The following CACNA2D2 variants were observed in gnomAD, a reference collection of about 807,000 sequenced individuals.
The protein encoded by CACNA2D2 is voltage-dependent calcium channel subunit alpha-2/delta-2.
CACNA2D2 carries 48 observed loss-of-function variants against 166.4 expected under a neutral mutation model. The observed-to-expected ratio is 0.29, with a 90% CI of 0.23 to 0.37. The LOEUF is 0.37. CACNA2D2 is among the 10% of genes least tolerant of loss of function. The probability of loss-of-function intolerance (pLI) is 1.00; values close to 1 mark genes in which losing one functional copy is unlikely to be tolerated. For synonymous variants in CACNA2D2, 561 were observed against 573.7 expected (o/e 0.98, Z 0.32); for missense variants, 1,122 against 1,433.0 (o/e 0.78, Z 3.50).
At chr3:50,400,976 A>G (rs941746391) in intron 3 of CACNA2D2, among the ~76,000 whole-genome samples, 1 of 152,208 alleles carries the variant, frequency 6.6e-6, no homozygotes, top group African/African-American at 2.4e-5. Flanking sequence ...CGCCTGGCCC[A>G]TGGCACATCG....
Position 50,365,938 on chromosome 3 carries a change from G to C in CACNA2D2, c.2862+73C>G. 1 of 1,611,662 alleles carries C rather than the reference G, an allele frequency of 6.2e-7. No individual in the cohort carries two copies. Among genetic ancestry groups the C allele is most frequent in the African/African-American group, 1.3e-5 (1 of 75,018 alleles). On this transcript the variant is annotated intron_variant, in intron 32 of 37. Coordinates refer to ENST00000424201, the MANE Select transcript of CACNA2D2 (RefSeq NM_006030.4). This position sits in a 1 kb window ranked among gnomAD's most constrained non-coding sequence, Gnocchi z 4.5. ...TCACCCCCAGCTTTATCAAATGTCA[G>C]AGGTAGGGGGTCATCTGTGGGCAGG...
chr3:50,374,654 G>A (rs936624944), intron 22 of CACNA2D2, 83 bp downstream of exon 22: 58 of 1,482,318 alleles, frequency 3.9e-5, no homozygotes, highest in Admixed American at 6.0e-5. Context: ...GCCGGCAAGC[G>A]GCGCTGGCTA....
intron 2 of CACNA2D2, among the ~76,000 whole-genome samples, chr3:50,450,851 G>A (rs1389863566): frequency 6.6e-6 from 1 of 152,192 alleles, no homozygotes; most frequent in Non-Finnish European, 1.5e-5. Flanking sequence ...ACTGGCCGAT[G>A]TCACGGGTGT....
chr3:50,433,357 TTG>T (rs1559942829), intron 3 of CACNA2D2, among the ~76,000 whole-genome samples: 1 of 151,858 alleles, frequency 6.6e-6, no homozygotes, highest in African/African-American at 2.4e-5. Context: ...GTTTTTTTTG[TTG>T]TTTGTTTTTT....
intron 2 of CACNA2D2, among the ~76,000 whole-genome samples, chr3:50,437,362 C>T (rs1055685570): frequency 1.3e-5 from 2 of 152,164 alleles, no homozygotes; most frequent in Non-Finnish European, 2.9e-5. Context: ...CTATCTAAAT[C>T]CTCTCTAGGG....
In CACNA2D2 at chr3:50,501,973, A is replaced by G. The variant is rs1205337042; in HGVS notation, c.206+1245T>C. On this transcript the variant is annotated intron_variant, in intron 1 of 37. Coordinates refer to ENST00000424201, the MANE Select transcript of CACNA2D2 (RefSeq NM_006030.4). ...GCCAACTGATCACCTGCCTGAGCAC[A>G]GCCAGGCTGTGCAATGAGAGAGACG... Among the ~76,000 whole-genome samples, 5 of 152,146 alleles carry G rather than the reference A, an allele frequency of 3.3e-5. No individual in the cohort carries two copies. The East Asian group carries it at 7.7e-4, about 24-fold the overall frequency.
chr3:50,388,843 T>C (rs587738497), intron 4 of CACNA2D2, among the ~76,000 whole-genome samples: 2 of 152,324 alleles, frequency 1.3e-5, no homozygotes, highest in Middle Eastern at 3.4e-3. Flanking sequence ...TGCAGGCCAC[T>C]GGCCAAATGT....
intron 23 of CACNA2D2, among the ~76,000 whole-genome samples, chr3:50,368,941 G>T (rs1002787693): frequency 6.6e-6 from 1 of 152,174 alleles, no homozygotes; most frequent in African/African-American, 2.4e-5. Flanking sequence ...GCTCTCTCTC[G>T]CTCGACCCCT....
At chr3:50,377,165 T>C (rs1052567587) in intron 17 of CACNA2D2, among the ~76,000 whole-genome samples, 2 of 152,196 alleles carry the variant, frequency 1.3e-5, no homozygotes, top group Non-Finnish European at 2.9e-5. Context: ...AATTGGAACA[T>C]AGCCATGCCC....
intron 2 of CACNA2D2, among the ~76,000 whole-genome samples, chr3:50,457,228 T>C (rs948582521): frequency 6.6e-6 from 1 of 152,116 alleles, no homozygotes; most frequent in Non-Finnish European, 1.5e-5. Context: ...CCAGCCTGGG[T>C]GACAGAGTAA....
chr3:50,466,347 T>C (rs146929636), intron 2 of CACNA2D2, among the ~76,000 whole-genome samples: 9 of 152,242 alleles, frequency 5.9e-5, no homozygotes, highest in South Asian at 2.1e-4. Context: ...ATCAGCTAAG[T>C]AGTTCTCGCC....
chr3:50,490,715 T>G (rs573665053), intron 1 of CACNA2D2, among the ~76,000 whole-genome samples: 1 of 152,266 alleles, frequency 6.6e-6, no homozygotes, highest in African/African-American at 2.4e-5. Context: ...TCAGCACATA[T>G]GGATTGAGTA....
At chr3:50,466,132 T>C (rs1241528991) in intron 2 of CACNA2D2, among the ~76,000 whole-genome samples, 5 of 152,094 alleles carry the variant, frequency 3.3e-5, no homozygotes. Context: ...ATCTCCACAG[T>C]AGGGATCTTT....
In CACNA2D2 at chr3:50,366,404, G is replaced by GTCC; in HGVS notation, c.2638-69_2638-67dup. On this transcript the variant is annotated intron_variant, in intron 30 of 37. Transcript: ENST00000424201. The surrounding 1 kb of genome is among the most constrained non-coding windows in gnomAD (Gnocchi z 5.9). ...GGCCCCGGACCTTCCACCGCAGGCA[G>GTCC]TCCAGTGGTTCAGAGTTGGGGGGCA... 6.4e-7 allele frequency: 1 copy of GTCC among 1,552,138 alleles called. No individual in the cohort carries two copies. Among genetic ancestry groups the GTCC allele is most frequent in the African/African-American group, 1.4e-5 (1 of 73,778 alleles).
At chr3:50,456,650 T>A (rs1314134545) in intron 2 of CACNA2D2, among the ~76,000 whole-genome samples, 1 of 152,156 alleles carries the variant, frequency 6.6e-6, no homozygotes, top group East Asian at 1.9e-4. Flanking sequence ...CCTCACACAC[T>A]CTGCCCTTTC....
At chr3:50,369,826 ACCC>A (rs371019530) in intron 23 of CACNA2D2, among the ~76,000 whole-genome samples, 1 of 151,174 alleles carries the variant, frequency 6.6e-6, no homozygotes, top group Non-Finnish European at 1.5e-5. Flanking sequence ...TCCTCCCCCA[ACCC>A]CCCAAGTGAA....
chr3:50,399,224 G>C (rs1313155497), intron 3 of CACNA2D2, among the ~76,000 whole-genome samples: 1 of 152,218 alleles, frequency 6.6e-6, no homozygotes, highest in Non-Finnish European at 1.5e-5. Context: ...CCTCACCTGG[G>C]AGTCCCTCCC....
At chr3:50,494,437 T>C (rs1698645077) in intron 1 of CACNA2D2, among the ~76,000 whole-genome samples, 1 of 152,072 alleles carries the variant, frequency 6.6e-6, no homozygotes, top group African/African-American at 2.4e-5. Context: ...AGCATGGGCC[T>C]CTACCATCTC....
At chr3:50,408,357 C>T (rs531192822) in intron 3 of CACNA2D2, among the ~76,000 whole-genome samples, 47 of 152,332 alleles carry the variant, frequency 3.1e-4, no homozygotes, top group Non-Finnish European at 5.1e-4. Flanking sequence ...TGGATGTGGA[C>T]GCCTGAGGCT....
Sources: gnomAD v4.1 joint callset for allele counts (sites outside exome capture counted in the v4.1 genomes callset) on GRCh38, gnomAD v4.1.1 for gene constraint, Gnocchi (gnomAD v3.1) non-coding constraint, MANE v1.5 for transcripts, NCBI Gene and HGNC (gene_info 2026-07-23, HGNC 2026-07-21) for gene names.